The following FIG4 variants were observed in gnomAD, a reference collection of about 807,000 sequenced individuals.
The protein encoded by FIG4 is FIG4 phosphoinositide 5-phosphatase.
FIG4 carries 112 observed loss-of-function variants against 118.6 expected under a neutral mutation model. The observed-to-expected ratio is 0.94, with a 90% CI of 0.81 to 1.11. The LOEUF (loss-of-function observed/expected upper bound fraction) is 1.11, where lower values mean the gene tolerates loss of function less well. Ranked by LOEUF, FIG4 falls within the 50% of genes least tolerant of loss-of-function variation. FIG4 has a pLI of 0.00. For synonymous variants in FIG4, 369 were observed against 381.2 expected (o/e 0.97, Z 0.37); for missense variants, 969 against 1,111.7 (o/e 0.87, Z 1.83).
At chr6:109,777,938 A>G (rs187571164) in intron 16 of FIG4, among the ~76,000 whole-genome samples, 1 of 152,266 alleles carries the variant, frequency 6.6e-6, no homozygotes, top group East Asian at 1.9e-4. Flanking sequence ...GCCTGGACAC[A>G]CCTCACAGAG....
intron 1 of FIG4, among the ~76,000 whole-genome samples, chr6:109,713,807 C>T (rs1775345635): frequency 6.6e-6 from 1 of 152,098 alleles, no homozygotes; most frequent in South Asian, 2.1e-4. Flanking sequence ...AATCAGGTGC[C>T]AGTCCACCAG....
intron 21 of FIG4, among the ~76,000 whole-genome samples, chr6:109,793,857 G>A (rs1368720348): frequency 6.6e-6 from 1 of 152,142 alleles, no homozygotes; most frequent in Non-Finnish European, 1.5e-5. Context: ...ATGCGTCATT[G>A]ACTGGAAGCC....
At chr6:109,818,144 G>C (rs961140739) in intron 22 of FIG4, among the ~76,000 whole-genome samples, 1 of 152,010 alleles carries the variant, frequency 6.6e-6, no homozygotes, top group Non-Finnish European at 1.5e-5. Flanking sequence ...TGCAGTTTCA[G>C]TTACCTGAAG....
chr6:109,732,750 G>A, intron 5 of FIG4, 63 bp downstream of exon 5: 2 of 1,004,072 alleles, frequency 2.0e-6, no homozygotes, highest in Non-Finnish European at 3.1e-6. Context: ...TTTCCAGCGG[G>A]TAAAAGCAGA....
chr6:109,743,741 G>T lies in FIG4; in HGVS notation c.1106G>T (p.Gly369Val). Reference protein sequence around the residue: ...LHFDQMFQRFGSPIIILNLVK... With the variant: ...LHFDQMFQRFVSPIIILNLVK... The stretch of plus-strand genomic sequence containing the variant: ...TTTGACCAGATGTTCCAGAGGTTTG[G>T]CTCTCCCATCATCATCTTGAATTTA... Residue 369 changes from glycine to valine, a missense_variant, in exon 10 of 23, where the codon GGC becomes GTC. Around this residue, in one of 3 missense-constraint regions of FIG4, gnomAD observed 246 missense variants for 354.3 expected, o/e 0.69. Transcript: ENST00000230124. 6.2e-7 allele frequency: 1 copy of T among 1,612,680 alleles called. No individual in the cohort carries two copies. Among genetic ancestry groups the T allele is most frequent in the Non-Finnish European group, 8.5e-7 (1 of 1,179,136 alleles).
chr6:109,792,637 CAGA>C lies in FIG4; in HGVS notation c.2439_2441del (p.Glu813del), dbSNP rs876661144. Reference sequence around the variant, plus strand: ...GGAATTAACCTCTCAGATGGCCTCTCAGAAGAAGATTTCTCCATTTATTCAAGG... The same window carrying C: ...GGAATTAACCTCTCAGATGGCCTCTCAGAAGATTTCTCCATTTATTCAAGG... On this transcript the variant is annotated inframe_deletion, in exon 21 of 23. Transcript: ENST00000230124. The C allele has an allele frequency of 2.4e-5, 38 of 1,594,348 alleles. No homozygotes were observed. Among genetic ancestry groups the C allele is most frequent in the East Asian group, 4.5e-5 (2 of 44,624 alleles).
chr6:109,750,810 AAAC>A lies in FIG4; in HGVS notation c.1137+7043_1137+7045del, dbSNP rs552355311. Among the ~76,000 whole-genome samples, 572 of 152,294 alleles carry A rather than the reference AAAC, an allele frequency of 3.8e-3. 1 individual carries two copies. The highest frequency in any genetic ancestry group is 6.8e-3 in the Non-Finnish European group (461 of 68,024). ...CACAGAGATGATACGAAGGTTGCTC[AAAC>A]AACATTTCCTCTCCATCCCACGAAA... is the stretch of plus-strand genomic sequence containing the variant. On this transcript the variant is annotated intron_variant, in intron 10 of 22. Transcript: ENST00000230124.
chr6:109,784,029 G>C (rs557442875), intron 16 of FIG4, among the ~76,000 whole-genome samples: 1 of 151,984 alleles, frequency 6.6e-6, no homozygotes. Flanking sequence ...CTTTCCTGTT[G>C]CTTCATAATC....
intron 1 of FIG4, among the ~76,000 whole-genome samples, chr6:109,701,254 A>T (rs911674433): frequency 6.6e-6 from 1 of 152,164 alleles, no homozygotes; most frequent in Non-Finnish European, 1.5e-5. Flanking sequence ...AGCACCTTCA[A>T]TATGCTCCTT....
intron 10 of FIG4, among the ~76,000 whole-genome samples, chr6:109,744,016 G>A: frequency 6.6e-6 from 1 of 152,176 alleles, no homozygotes; most frequent in Middle Eastern, 3.4e-3. Flanking sequence ...GAGTGATTCA[G>A]TATATCAGGA....
chr6:109,752,444 C>A lies in FIG4; in HGVS notation c.1138-7806C>A, dbSNP rs1317426745. On this transcript the variant is annotated intron_variant, in intron 10 of 22. Transcript: ENST00000230124. ...CTTCCACAATGGTTGAACTAGTTTA[C>A]AGTCCCACCAACAGTGTAAAAGTGT... Among the ~76,000 whole-genome samples the A allele has an allele frequency of 3.9e-5, 6 of 151,912 alleles. No homozygotes were observed. In the East Asian group the frequency reaches 1.2e-3, roughly 29 times the overall value.
intron 10 of FIG4, among the ~76,000 whole-genome samples, chr6:109,745,168 T>G (rs183771010): frequency 1.4e-3 from 210 of 152,274 alleles, no homozygotes; most frequent in African/African-American, 4.8e-3. Context: ...GTAATGGGAT[T>G]GCTGGGTCAA....
At chr6:109,781,887 A>G (rs1454179366) in intron 16 of FIG4, among the ~76,000 whole-genome samples, 2 of 151,528 alleles carry the variant, frequency 1.3e-5, no homozygotes, top group African/African-American at 4.8e-5. Context: ...AACTCCTTCC[A>G]CATAACATTG....
chr6:109,700,806 C>T (rs1774881498), intron 1 of FIG4, among the ~76,000 whole-genome samples: 1 of 152,162 alleles, frequency 6.6e-6, no homozygotes, highest in Non-Finnish European at 1.5e-5. Flanking sequence ...TACCTTTAGG[C>T]TATGTCTATA....
intron 22 of FIG4, among the ~76,000 whole-genome samples, chr6:109,806,057 TA>T (rs1260369781): frequency 6.6e-6 from 1 of 152,202 alleles, no homozygotes; most frequent in Non-Finnish European, 1.5e-5. Context: ...TGAAGCTTCT[TA>T]AGCCCAGTAA....
At chr6:109,757,342 A>G (rs866789472) in intron 10 of FIG4, among the ~76,000 whole-genome samples, 1 of 152,246 alleles carries the variant, frequency 6.6e-6, no homozygotes, top group Admixed American at 6.5e-5. Flanking sequence ...AATCCATCAC[A>G]TAACCAGAAC....
intron 22 of FIG4, among the ~76,000 whole-genome samples, chr6:109,800,946 C>A (rs994134365): frequency 6.6e-6 from 1 of 152,156 alleles, no homozygotes; most frequent in Non-Finnish European, 1.5e-5. Context: ...GCAAGACTTG[C>A]TGTGCCTGGC....
chr6:109,742,976 T>C (rs1776368895), intron 8 of FIG4, 134 bp from the exon 9 acceptor site: 1 of 790,384 alleles, frequency 1.3e-6, no homozygotes, highest in African/African-American at 1.7e-5. Context: ...TTGATCAATA[T>C]TTACCTCTCA....
At chr6:109,778,830 C>A (rs148761811) in intron 16 of FIG4, among the ~76,000 whole-genome samples, 2,126 of 152,070 alleles carry the variant, frequency 0.014, 46 homozygotes, top group African/African-American at 0.044. Context: ...TGATCTCCTG[C>A]CCTTGTGATC....
Sources: allele counts gnomAD v4.1 joint callset (sites outside exome capture counted in the v4.1 genomes callset), GRCh38; gene constraint gnomAD v4.1.1; regional missense constraint gnomAD v4.1.1; transcripts MANE v1.5; gene names NCBI Gene and HGNC (gene_info 2026-07-23, HGNC 2026-07-21).